The following HECW2 variants were observed in gnomAD, a reference collection of about 807,000 sequenced individuals.
HECW2 encodes the protein E3 ubiquitin-protein ligase HECW2.
In HECW2, 61 loss-of-function variants were observed where a neutral mutation model predicts 175.2. That is an observed-to-expected ratio of 0.35 (90% CI 0.28 to 0.43). The LOEUF is 0.43. Ranked by LOEUF, HECW2 falls within the 20% of genes least tolerant of loss-of-function variation. The pLI is 1.00. For missense variants in HECW2, 1,524 were observed against 2,000.5 expected, an observed-to-expected ratio of 0.76 and a Z score of 4.54; for synonymous variants, 671 against 731.0, an observed-to-expected ratio of 0.92 and a Z score of 1.32.
intron 1 of HECW2, among the ~76,000 whole-genome samples, chr2:196,482,317 G>A (rs1575595326): frequency 6.6e-6 from 1 of 152,316 alleles, no homozygotes; most frequent in East Asian, 1.9e-4. Context: ...CAGAGGTGGC[G>A]GGCCTGAGCC....
chr2:196,436,795 T>C (rs1695891251), intron 1 of HECW2, among the ~76,000 whole-genome samples: 1 of 151,262 alleles, frequency 6.6e-6, no homozygotes, highest in African/African-American at 2.4e-5. Flanking sequence ...AACATAGCCC[T>C]TTCCCTGTGG....
intron 2 of HECW2, among the ~76,000 whole-genome samples, chr2:196,420,836 A>G (rs1009384999): frequency 2.6e-5 from 4 of 152,124 alleles, no homozygotes; most frequent in African/African-American, 9.7e-5. Context: ...GAATATGTCT[A>G]TGAAAAAAAC....
intron 1 of HECW2, among the ~76,000 whole-genome samples, chr2:196,494,806 C>T (rs772104199): frequency 2.6e-5 from 4 of 152,156 alleles, no homozygotes; most frequent in East Asian, 1.9e-4. Context: ...GCTTCCCAGA[C>T]GCAAGGTATT....
At chr2:196,482,296 C>T (rs934407053) in intron 1 of HECW2, among the ~76,000 whole-genome samples, 15 of 152,222 alleles carry the variant, frequency 9.9e-5, no homozygotes, top group East Asian at 1.9e-4. Flanking sequence ...ATTGGACTGA[C>T]GGTGCCAACC....
intron 1 of HECW2, among the ~76,000 whole-genome samples, chr2:196,461,199 AG>A (rs879635099): frequency 3.3e-5 from 5 of 152,214 alleles, no homozygotes; most frequent in Admixed American, 6.5e-5. Context: ...GCAGGCAGGC[AG>A]GCAAGAAGCA....
At chr2:196,240,814 T>A (rs1688422885) in intron 20 of HECW2, among the ~76,000 whole-genome samples, 1 of 143,836 alleles carries the variant, frequency 7.0e-6, no homozygotes, top group Non-Finnish European at 1.5e-5. Context: ...GAATCCTATC[T>A]AAATGGTCAA....
intron 1 of HECW2, among the ~76,000 whole-genome samples, chr2:196,527,743 A>G (rs1405191709): frequency 6.6e-6 from 1 of 152,270 alleles, no homozygotes; most frequent in East Asian, 1.9e-4. Context: ...CAGACTTAAC[A>G]GCAGCACGCT....
intron 1 of HECW2, among the ~76,000 whole-genome samples, chr2:196,471,607 C>T (rs987863868): frequency 8.5e-5 from 13 of 152,144 alleles, no homozygotes; most frequent in Non-Finnish European, 8.8e-5. Context: ...AAATGTTATA[C>T]ATATACACCA....
At chr2:196,350,521 T>G (rs1390314411) in intron 2 of HECW2, among the ~76,000 whole-genome samples, 1 of 152,204 alleles carries the variant, frequency 6.6e-6, no homozygotes, top group African/African-American at 2.4e-5. Flanking sequence ...TTTGAAAAAT[T>G]CTGCTTCATG....
At chr2:196,257,747 T>G in intron 18 of HECW2, 76 bp downstream of exon 18, 1 of 1,010,520 alleles carries the variant, frequency 9.9e-7, no homozygotes, top group Non-Finnish European at 1.5e-6. Context: ...AATATTGGCA[T>G]ATTATTTTCT....
chr2:196,257,363 T>A (rs573881771), intron 18 of HECW2, among the ~76,000 whole-genome samples: 4 of 152,250 alleles, frequency 2.6e-5, no homozygotes. Flanking sequence ...GTCAACTTTC[T>A]GATCTGATTT....
At chr2:196,495,398 G>A (rs1423546494) in intron 1 of HECW2, among the ~76,000 whole-genome samples, 1 of 152,036 alleles carries the variant, frequency 6.6e-6, no homozygotes, top group Non-Finnish European at 1.5e-5. Flanking sequence ...CTGTGAGCTG[G>A]GGGAGAGGAG....
rs974654383 is a variant in HECW2, at chr2:196,331,377, C to T, written c.496-1727G>A. The stretch of plus-strand genomic sequence containing the variant: ...CTCATCCTGCTTTCACCACACACTA[C>T]GCTGGACTATGACTGAGACACACCC... On this transcript the variant is annotated intron_variant, in intron 4 of 28. Coordinates refer to ENST00000644978, the MANE Select transcript of HECW2 (RefSeq NM_001348768.2). The T allele has an allele frequency of 2.1e-5, 14 of 659,742 alleles. No individual in the cohort carries two copies. In the East Asian group the frequency reaches 6.8e-4, roughly 32 times the overall value. The allele number at this position is 659,742 out of a possible 1,614,324, so 40.9% of individuals were successfully genotyped here.
At chr2:196,334,817 G>A (rs140593603) in intron 3 of HECW2, among the ~76,000 whole-genome samples, 150 of 152,280 alleles carry the variant, frequency 9.9e-4, no homozygotes, top group African/African-American at 3.4e-3. Flanking sequence ...GCTCCTTAAC[G>A]TGCCACAATG....
At chr2:196,238,329 A>C (rs1688326531) in intron 21 of HECW2, among the ~76,000 whole-genome samples, 2 of 152,242 alleles carry the variant, frequency 1.3e-5, no homozygotes, top group South Asian at 4.1e-4. Context: ...GGTATGTATT[A>C]TAATCCAGAA....
chr2:196,455,617 C>G (rs1696486021), intron 1 of HECW2, among the ~76,000 whole-genome samples: 1 of 152,076 alleles, frequency 6.6e-6, no homozygotes, highest in South Asian at 2.1e-4. Flanking sequence ...TAAATACAAA[C>G]TCTGGATTGC....
intron 2 of HECW2, among the ~76,000 whole-genome samples, chr2:196,391,736 G>A (rs1221359390): frequency 6.6e-6 from 1 of 152,170 alleles, no homozygotes; most frequent in African/African-American, 2.4e-5. Context: ...ACAACAGAAA[G>A]TTACTCTCTC....
intron 1 of HECW2, among the ~76,000 whole-genome samples, chr2:196,521,602 A>C (rs1407094548): frequency 6.7e-6 from 1 of 148,736 alleles, no homozygotes; most frequent in Non-Finnish European, 1.5e-5. Context: ...ATCTAGCATT[A>C]GGTATATCTC....
intron 21 of HECW2, among the ~76,000 whole-genome samples, chr2:196,237,176 C>T (rs1240360789): frequency 6.6e-6 from 1 of 151,202 alleles, no homozygotes; most frequent in African/African-American, 2.4e-5. Context: ...AGCAGTGATT[C>T]TTTTTTTTTA....
Sources: gnomAD v4.1 joint callset for allele counts (sites outside exome capture counted in the v4.1 genomes callset) on GRCh38, gnomAD v4.1.1 for gene constraint, MANE v1.5 for transcripts, NCBI Gene and HGNC (gene_info 2026-07-23, HGNC 2026-07-21) for gene names.